SAMTOR: variants seen among roughly 807,000 people sequenced by gnomAD.
SAMTOR encodes the protein UPF0532 protein C7orf60.
the SAMTOR span, among the ~76,000 whole-genome samples, chr7:112,917,671 A>C: frequency 7.9e-5 from 12 of 152,276 alleles, no homozygotes; most frequent in Admixed American, 7.2e-4. Context: ...GAAAATTCAA[A>C]CCAAAGGCAA....
chr7:112,906,355 A>G, the SAMTOR span, among the ~76,000 whole-genome samples: 1 of 152,196 alleles, frequency 6.6e-6, no homozygotes, highest in Non-Finnish European at 1.5e-5. Flanking sequence ...TGTAGTCCAT[A>G]TATTTCCACT....
chr7:112,821,762 G>A, the SAMTOR span: 1 of 1,601,162 alleles, frequency 6.2e-7, no homozygotes, highest in Non-Finnish European at 8.5e-7. Flanking sequence ...AAAGTAATAT[G>A]GGGTCTTCTA....
chr7:112,922,894 C>CCA, the SAMTOR span, among the ~76,000 whole-genome samples: 1 of 141,476 alleles, frequency 7.1e-6, no homozygotes, highest in African/African-American at 2.7e-5. Context: ...GGTCAGCCCC[C>CCA]CCCCCCCGGG....
chr7:112,934,974 T>C, the SAMTOR span, among the ~76,000 whole-genome samples: 1 of 152,338 alleles, frequency 6.6e-6, no homozygotes, highest in South Asian at 2.1e-4. Context: ...CTTTATCTTT[T>C]ACTATTACTG....
chr7:112,867,017 A>C, the SAMTOR span, among the ~76,000 whole-genome samples: 2 of 152,236 alleles, frequency 1.3e-5, no homozygotes, highest in African/African-American at 2.4e-5. Context: ...TGCATATGCC[A>C]TTGTCAATTA....
the SAMTOR span, among the ~76,000 whole-genome samples, chr7:112,881,345 C>G: frequency 2.0e-5 from 3 of 152,154 alleles, no homozygotes; most frequent in Admixed American, 1.3e-4. Flanking sequence ...AAGCCAGGGA[C>G]AGCTTGAAGA....
At chr7:112,829,162 T>TA in the SAMTOR span, among the ~76,000 whole-genome samples, 5 of 152,178 alleles carry the variant, frequency 3.3e-5, no homozygotes, top group African/African-American at 1.2e-4. Flanking sequence ...CTCTTCTATT[T>TA]AAAAAATTTT....
the SAMTOR span, among the ~76,000 whole-genome samples, chr7:112,901,502 T>C: frequency 5.3e-5 from 8 of 152,226 alleles, no homozygotes; most frequent in Non-Finnish European, 1.0e-4. Flanking sequence ...GTTGTACAAT[T>C]ATTTCATTAT....
At chr7:112,844,556 T>A in the SAMTOR span, among the ~76,000 whole-genome samples, 1,622 of 152,132 alleles carry the variant, frequency 0.011, 30 homozygotes, top group African/African-American at 0.037. Flanking sequence ...GGAAGGTGGA[T>A]GATCTCTAGA....
chr7:112,939,472 T>C, the SAMTOR span: 1 of 1,469,820 alleles, frequency 6.8e-7, no homozygotes. Context: ...CAGCAGCGGC[T>C]GGGGGGACGT....
At chr7:112,902,783 G>A in the SAMTOR span, among the ~76,000 whole-genome samples, 1 of 152,044 alleles carries the variant, frequency 6.6e-6, no homozygotes, top group African/African-American at 2.4e-5. Flanking sequence ...TTTATTGTGG[G>A]TTTCTGGTCA....
chr7:112,887,474 T>C, the SAMTOR span, among the ~76,000 whole-genome samples: 1 of 152,192 alleles, frequency 6.6e-6, no homozygotes, highest in Non-Finnish European at 1.5e-5. Context: ...AGTTAGAAAG[T>C]GTTCCCTCTG....
chr7:112,895,099 T>C, the SAMTOR span, among the ~76,000 whole-genome samples: 1 of 152,104 alleles, frequency 6.6e-6, no homozygotes, highest in Non-Finnish European at 1.5e-5. Flanking sequence ...TTTCCTTATT[T>C]GTAAATTCTT....
At chr7:112,870,108 A>G in the SAMTOR span, among the ~76,000 whole-genome samples, 2 of 152,208 alleles carry the variant, frequency 1.3e-5, no homozygotes, top group East Asian at 3.8e-4. Context: ...AGAGAAAACA[A>G]GCCACTTGGA....
chr7:112,894,690 G>A, the SAMTOR span, among the ~76,000 whole-genome samples: 2 of 152,082 alleles, frequency 1.3e-5, no homozygotes, highest in Admixed American at 6.5e-5. Flanking sequence ...AGAACAGTAT[G>A]GGGGAAACCG....
At chr7:112,930,804 T>C in the SAMTOR span, among the ~76,000 whole-genome samples, 1 of 152,208 alleles carries the variant, frequency 6.6e-6, no homozygotes, top group Non-Finnish European at 1.5e-5. Context: ...TATTTTACTT[T>C]ATAGATGAGG....
the SAMTOR span, among the ~76,000 whole-genome samples, chr7:112,856,665 TA>T: frequency 6.6e-6 from 1 of 152,210 alleles, no homozygotes; most frequent in Non-Finnish European, 1.5e-5. Context: ...ACAGAAAACA[TA>T]AGGGAATATT....
the SAMTOR span, among the ~76,000 whole-genome samples, chr7:112,828,573 AAAGTC>A: frequency 6.6e-6 from 1 of 152,206 alleles, no homozygotes; most frequent in Non-Finnish European, 1.5e-5. Context: ...ATCTTCAAAT[AAAGTC>A]ACATCTTTAG....
At chr7:112,893,718 A>G in the SAMTOR span, among the ~76,000 whole-genome samples, 1 of 152,220 alleles carries the variant, frequency 6.6e-6, no homozygotes, top group Non-Finnish European at 1.5e-5. Flanking sequence ...CCTGGCCAAC[A>G]TGGTGAAACC....
Sources: gnomAD v4.1 joint callset for allele counts (sites outside exome capture counted in the v4.1 genomes callset) on GRCh38, gnomAD v4.1.1 for gene constraint, MANE v1.5 for transcripts, NCBI Gene and HGNC (gene_info 2026-07-23, HGNC 2026-07-21) for gene names.